Variants in ECT2L observed in about 807,000 individuals in gnomAD.
The protein encoded by ECT2L is epithelial cell-transforming sequence 2 oncogene-like.
In ECT2L, 126 loss-of-function variants were observed where a neutral mutation model predicts 122.8. That is an observed-to-expected ratio of 1.03 (90% CI 0.89 to 1.19). The LOEUF (loss-of-function observed/expected upper bound fraction) is 1.19, where lower values mean the gene tolerates loss of function less well. Ranked by LOEUF, ECT2L falls within the 50% of genes most tolerant of loss-of-function variation. The pLI, the probability that ECT2L is intolerant of heterozygous loss-of-function variation, is 0.00. For synonymous variants in ECT2L, 385 were observed against 381.8 expected (o/e 1.01, Z -0.10); for missense variants, 1,012 against 1,064.1 (o/e 0.95, Z 0.68).
intron 10 of ECT2L, among the ~76,000 whole-genome samples, chr6:138,859,805 C>G (rs1469289317): frequency 6.8e-6 from 1 of 146,348 alleles, no homozygotes. Context: ...TTTTGAAGCA[C>G]AGTTCTTTTT....
At position 138,901,197 on chromosome 6, in the gene ECT2L, G is replaced by C. The variant is rs1406850650; in HGVS notation, c.2587+77G>C. On this transcript the variant is annotated intron_variant, in intron 21 of 21. Coordinates refer to ENST00000541398, the MANE Select transcript of ECT2L (RefSeq NM_001077706.3). ...TGTAAAGCTCTTTAACAGAACAGTAGAAAAAGGACTGGAATTATAATTTAC... is the reference window on the plus strand; with the variant it reads ...TGTAAAGCTCTTTAACAGAACAGTACAAAAAGGACTGGAATTATAATTTAC... 4 of 1,392,408 alleles carry C rather than the reference G, an allele frequency of 2.9e-6. No individual in the cohort carries two copies. The African/African-American group carries it at 4.4e-5, about 15-fold the overall frequency. The allele number at this position is 1,392,408 out of a possible 1,614,324, so 86.3% of individuals were successfully genotyped here.
At chr6:138,820,284 T>G (rs115460443) in intron 4 of ECT2L, among the ~76,000 whole-genome samples, 1 of 151,638 alleles carries the variant, frequency 6.6e-6, no homozygotes, top group Non-Finnish European at 1.5e-5. Flanking sequence ...GGGTGGAGAG[T>G]CTTCTTCTTG....
At chr6:138,832,398 C>T (rs1776676943) in intron 4 of ECT2L, among the ~76,000 whole-genome samples, 2 of 152,110 alleles carry the variant, frequency 1.3e-5, no homozygotes, top group Admixed American at 1.3e-4. Flanking sequence ...GATAACTGCC[C>T]TGGGTTGTGG....
intron 4 of ECT2L, among the ~76,000 whole-genome samples, chr6:138,826,120 C>T (rs1776443205): frequency 6.6e-6 from 1 of 152,184 alleles, no homozygotes; most frequent in Non-Finnish European, 1.5e-5. Context: ...TATCAATCAG[C>T]CCTTTCCTTG....
At chr6:138,898,671 G>A (rs900065622) in intron 20 of ECT2L, among the ~76,000 whole-genome samples, 1 of 152,064 alleles carries the variant, frequency 6.6e-6, no homozygotes, top group Non-Finnish European at 1.5e-5. Flanking sequence ...AAAATCACCA[G>A]GTAAATCAGA....
At chr6:138,857,018 C>T (rs1158314621) in intron 10 of ECT2L, among the ~76,000 whole-genome samples, 1 of 152,146 alleles carries the variant, frequency 6.6e-6, no homozygotes, top group African/African-American at 2.4e-5. Flanking sequence ...CCAGCTCCAC[C>T]TCTTACTTTT....
chr6:138,888,309 TTTC>T (rs1424695659), intron 19 of ECT2L, among the ~76,000 whole-genome samples: 10 of 124,798 alleles, frequency 8.0e-5, no homozygotes, highest in Admixed American at 5.2e-4. Context: ...TTCACTTCTT[TTTC>T]TTTTCTTTTT....
intron 10 of ECT2L, among the ~76,000 whole-genome samples, chr6:138,858,004 C>T (rs968408565): frequency 3.3e-5 from 5 of 152,144 alleles, no homozygotes; most frequent in South Asian, 2.1e-4. Flanking sequence ...CATCAGATCT[C>T]GTGAGAACTC....
intron 18 of ECT2L, 88 bp downstream of exon 18, chr6:138,885,918 T>G (rs982737214): frequency 7.5e-7 from 1 of 1,342,256 alleles, no homozygotes; most frequent in African/African-American, 1.5e-5. Flanking sequence ...ACACCTTATC[T>G]TCTTGTGGGG....
intron 1 of ECT2L, among the ~76,000 whole-genome samples, chr6:138,803,292 G>T (rs931780656): frequency 7.0e-6 from 1 of 143,046 alleles, no homozygotes; most frequent in African/African-American, 2.6e-5. Flanking sequence ...AAATAATCCT[G>T]TTCAAATTTG....
chr6:138,881,044 C>G lies in ECT2L; in HGVS notation c.1753C>G (p.Leu585Val). The G allele has an allele frequency of 6.2e-7, 1 of 1,614,118 alleles. No individual in the cohort carries two copies. Among genetic ancestry groups the G allele is most frequent in the Non-Finnish European group, 8.5e-7 (1 of 1,180,030 alleles). The change falls in exon 15 of 22, where the codon CTG (leucine) becomes GTG (valine). Residue 585 changes from leucine to valine, a missense_variant. Leu to Val is a conservative substitution (Grantham distance 32). Coordinates refer to ENST00000541398, the MANE Select transcript of ECT2L (RefSeq NM_001077706.3). ...GAGTGAGAGAAAATACGTGCAGATA[C>G]TGGAAATTGTGAGAGATGTTTATGT... ...LQSERKYVQI[L>V]EIVRDVYVAP...
At chr6:138,847,027 G>C (rs1562471806) in intron 8 of ECT2L, among the ~76,000 whole-genome samples, 1 of 150,622 alleles carries the variant, frequency 6.6e-6, no homozygotes. Flanking sequence ...CAGCACTTTG[G>C]GAGGTCAAGG....
At chr6:138,807,163 AG>A (rs1384824935) in intron 1 of ECT2L, among the ~76,000 whole-genome samples, 2 of 149,406 alleles carry the variant, frequency 1.3e-5, no homozygotes, top group African/African-American at 4.9e-5. Context: ...TTGTGGAGAC[AG>A]GGTTTTGCCA....
At chr6:138,796,378 G>C (rs1638473024) in intron 1 of ECT2L, among the ~76,000 whole-genome samples, 186 bp downstream of exon 1, 1 of 152,210 alleles carries the variant, frequency 6.6e-6, no homozygotes, top group South Asian at 2.1e-4. Context: ...AGATTCTGAA[G>C]AGGCTCTGGG....
At chr6:138,798,095 T>C (rs905585948) in intron 1 of ECT2L, among the ~76,000 whole-genome samples, 14 of 152,222 alleles carry the variant, frequency 9.2e-5, no homozygotes, top group African/African-American at 2.9e-4. Flanking sequence ...GAAAGGTATG[T>C]GGGCAAGGGT....
At chr6:138,860,772 C>T (rs1777801949) in intron 10 of ECT2L, among the ~76,000 whole-genome samples, 2 of 142,710 alleles carry the variant, frequency 1.4e-5, no homozygotes, top group South Asian at 4.4e-4. Flanking sequence ...AGCTTTGTTA[C>T]ATGGGTATAC....
At position 138,862,730 on chromosome 6, in the gene ECT2L, T is replaced by C. The variant is rs745567701; in HGVS notation, c.1291+11T>C. On this transcript the variant is annotated intron_variant, in intron 11 of 21. Transcript: ENST00000541398. The stretch of plus-strand genomic sequence containing the variant: ...GCTCTTACCAGCACAGTAAGTGTTA[T>C]GGGAGCTGAGCGCCACGTCCAATAA... The C allele has an allele frequency of 6.8e-6, 11 of 1,612,570 alleles. No homozygotes were observed. The South Asian group carries it at 1.1e-4, about 16-fold the overall frequency.
intron 6 of ECT2L, among the ~76,000 whole-genome samples, chr6:138,844,193 G>A (rs554352397): frequency 6.6e-6 from 1 of 152,304 alleles, no homozygotes; most frequent in South Asian, 2.1e-4. Flanking sequence ...TTGTTTGCTT[G>A]TTCTCTGAGC....
intron 6 of ECT2L, among the ~76,000 whole-genome samples, chr6:138,843,939 C>T (rs1337209412): frequency 3.3e-5 from 5 of 152,176 alleles, no homozygotes; most frequent in African/African-American, 1.2e-4. Flanking sequence ...ACCCGCCCAC[C>T]CTGGCCTCCC....
Sources: allele counts gnomAD v4.1 joint callset (sites outside exome capture counted in the v4.1 genomes callset), GRCh38; gene constraint gnomAD v4.1.1; transcripts MANE v1.5; gene names NCBI Gene and HGNC (gene_info 2026-07-23, HGNC 2026-07-21).